The following ST3GAL6 variants were observed in gnomAD, a reference collection of about 807,000 sequenced individuals.
ST3GAL6 encodes the protein ST3 beta-galactoside alpha-2,3-sialyltransferase 6, also known as type 2 lactosamine alpha-2,3-sialyltransferase.
Under a neutral mutation model 40.5 loss-of-function variants are expected in ST3GAL6, and 31 were observed. The observed-to-expected ratio is 0.77, with a 90% CI of 0.58 to 1.03. The LOEUF is 1.03. Among genes scored for constraint, ST3GAL6 ranks in the 50% least tolerant of loss-of-function variants. The pLI, the probability that ST3GAL6 is intolerant of heterozygous loss-of-function variation, is 0.00. For synonymous variants in ST3GAL6, 129 were observed against 136.9 expected (o/e 0.94, Z 0.40); for missense variants, 357 against 393.2 (o/e 0.91, Z 0.78).
At chr3:98,754,545 T>A (rs1257432189) in intron 1 of ST3GAL6, among the ~76,000 whole-genome samples, 1 of 152,224 alleles carries the variant, frequency 6.6e-6, no homozygotes, top group Non-Finnish European at 1.5e-5. Flanking sequence ...TAAATTTAGT[T>A]GATAAAACAG....
At chr3:98,763,309 G>A, upstream of ST3GAL6, 11 of 1,287,140 alleles carry the variant, frequency 8.5e-6, no homozygotes, top group Non-Finnish European at 1.1e-5. Flanking sequence ...AAATCTGTTG[G>A]CCATGTTCCA....
chr3:98,750,068 T>A (rs997334470), intron 1 of ST3GAL6, among the ~76,000 whole-genome samples: 3 of 152,086 alleles, frequency 2.0e-5, no homozygotes, highest in African/African-American at 7.2e-5. Flanking sequence ...GACACATGAT[T>A]TTTTTTTAAC....
chr3:98,747,922 C>T (rs1028532038), intron 1 of ST3GAL6, among the ~76,000 whole-genome samples: 2 of 152,052 alleles, frequency 1.3e-5, no homozygotes, highest in Non-Finnish European at 2.9e-5. Flanking sequence ...GACCATAAAT[C>T]TAGTTTAAAA....
rs545131134 is a variant in ST3GAL6 at position 98,781,053 on chromosome 3, C to T, written c.336-3892C>T. ...TGTATGTTTATTGCAGCACTGTTCA[C>T]AATAGCAAAGACTTGGAACCAACCC... On this transcript the variant is annotated intron_variant, in intron 5 of 9. Transcript: ENST00000483910. Among the ~76,000 whole-genome samples, 4 of 152,170 alleles carry T rather than the reference C, an allele frequency of 2.6e-5. No homozygotes were observed. The East Asian group carries it at 7.7e-4, about 29-fold the overall frequency.
intron 6 of ST3GAL6, among the ~76,000 whole-genome samples, chr3:98,785,381 C>A (rs905162049): frequency 5.9e-5 from 9 of 152,134 alleles, no homozygotes; most frequent in Non-Finnish European, 1.2e-4. Context: ...AAGGATATAA[C>A]AGAGAATCTT....
chr3:98,788,260 T>C (rs777417029), intron 7 of ST3GAL6, 38 bp downstream of exon 7: 13 of 1,592,538 alleles, frequency 8.2e-6, no homozygotes, highest in East Asian at 2.2e-5. Context: ...AGATTACCTT[T>C]AGTGCTTTTT....
At chr3:98,733,558 C>T (rs1295515803) in intron 1 of ST3GAL6, 1 of 985,490 alleles carries the variant, frequency 1.0e-6, no homozygotes, top group Non-Finnish European at 1.2e-6. Context: ...CCTAACAAAA[C>T]AAGCTCCGAG....
Position 98,757,414 on chromosome 3 carries a change from A to G in ST3GAL6, c.-11-11016A>G, listed in dbSNP as rs142638883. On this transcript the variant is annotated intron_variant, in intron 1 of 9. Transcript: ENST00000265261. ...CCCCAGCGTGGTCCTTAGCCACTGG[A>G]CTTGCAGAACTCTTGAGGACCTGAA... Among the ~76,000 whole-genome samples the G allele has an allele frequency of 7.3e-4, 111 of 152,306 alleles. 2 individuals carry two copies. In the East Asian group the frequency reaches 0.018, roughly 25 times the overall value.
chr3:98,791,814 A>T, intron 8 of ST3GAL6, 27 bp from the exon 9 acceptor site: 1 of 1,591,804 alleles, frequency 6.3e-7, no homozygotes. Flanking sequence ...TTTTGCTTAA[A>T]AAAGTTTTTT....
chr3:98,756,700 T>C (rs1576060439), intron 1 of ST3GAL6, among the ~76,000 whole-genome samples: 1 of 152,282 alleles, frequency 6.6e-6, no homozygotes, highest in East Asian at 1.9e-4. Flanking sequence ...TTTTGCAGCC[T>C]GGGGGCCTAT....
At position 98,793,868 on chromosome 3, in the gene ST3GAL6, T is replaced by A. The variant is rs1941407951; in HGVS notation, c.*107T>A. The A allele has an allele frequency of 3.6e-6, 2 of 551,580 alleles. No homozygotes were observed. The highest frequency in any genetic ancestry group is 3.8e-5 in the Admixed American group (1 of 26,396). The allele number at this position is 551,580 out of a possible 1,614,324, so 34.2% of individuals were successfully genotyped here. A position where few individuals can be genotyped will look rare whatever the true frequency, so the allele number is the denominator to read the frequency against. On this transcript the variant is annotated 3_prime_UTR_variant, in exon 10 of 10. Coordinates refer to ENST00000483910, the MANE Select transcript of ST3GAL6 (RefSeq NM_001323368.2). ...ACTCGTCAAATAATTATGTATACTG[T>A]CTGTTGCTGCCTGGTGATTCATAAC...
At chr3:98,778,992 A>C (rs769949158) in intron 5 of ST3GAL6, among the ~76,000 whole-genome samples, 1 of 152,210 alleles carries the variant, frequency 6.6e-6, no homozygotes, top group Non-Finnish European at 1.5e-5. Flanking sequence ...GTACCGATTC[A>C]TTCATATAGT....
upstream of ST3GAL6, among the ~76,000 whole-genome samples, chr3:98,758,712 A>G (rs960054345): frequency 2.0e-5 from 3 of 152,194 alleles, no homozygotes; most frequent in African/African-American, 7.2e-5. Flanking sequence ...GCACAAAGTC[A>G]TGAGTTCTTT....
intron 1 of ST3GAL6, among the ~76,000 whole-genome samples, chr3:98,743,083 A>C (rs1325215196): frequency 2.2e-5 from 3 of 138,306 alleles, no homozygotes; most frequent in Non-Finnish European, 4.5e-5. Context: ...ATCTTGGCTC[A>C]CTGCAACCTC....
intron 1 of ST3GAL6, chr3:98,733,158 A>C: frequency 8.1e-7 from 1 of 1,230,226 alleles, no homozygotes; most frequent in Non-Finnish European, 1.0e-6. Flanking sequence ...CCCTCCACAT[A>C]TCCTGCCAGC....
chr3:98,763,463 G>A, intron 1 of ST3GAL6, 24 bp downstream of exon 1: 1 of 1,289,494 alleles, frequency 7.8e-7, no homozygotes, highest in Non-Finnish European at 1.0e-6. Flanking sequence ...AAGGTTACCT[G>A]CTTAAGGGGA....
intron 1 of ST3GAL6, among the ~76,000 whole-genome samples, chr3:98,734,525 T>C (rs527935854): frequency 6.6e-6 from 1 of 152,342 alleles, no homozygotes; most frequent in African/African-American, 2.4e-5. Context: ...TTCCTTGTGA[T>C]GTCGCTTTCC....
intron 3 of ST3GAL6, chr3:98,771,189 A>G (rs1301186451): frequency 6.9e-7 from 1 of 1,444,684 alleles, no homozygotes; most frequent in Non-Finnish European, 9.2e-7. Flanking sequence ...CTTTTCACAC[A>G]GGTGAGGCTA....
intron 5 of ST3GAL6, chr3:98,782,324 A>G (rs1273671956): frequency 8.5e-6 from 6 of 702,234 alleles, no homozygotes; most frequent in Non-Finnish European, 1.6e-5. Flanking sequence ...TAATTGATGT[A>G]TGCAAGATGT....
Sources: allele counts gnomAD v4.1 joint callset (sites outside exome capture counted in the v4.1 genomes callset), GRCh38; gene constraint gnomAD v4.1.1; transcripts MANE v1.5; gene names NCBI Gene and HGNC (gene_info 2026-07-23, HGNC 2026-07-21).